The following ARHGAP26 variants were observed in gnomAD, a reference collection of about 807,000 sequenced individuals.
ARHGAP26 encodes rho GTPase-activating protein 26.
ARHGAP26 carries 38 observed loss-of-function variants against 104.8 expected under a neutral mutation model. That is an observed-to-expected ratio of 0.36 (90% confidence interval 0.28 to 0.48). The LOEUF is 0.48. Ranked by LOEUF, ARHGAP26 falls within the 20% of genes least tolerant of loss-of-function variation. ARHGAP26 has a pLI of 0.99. For missense variants in ARHGAP26, 704 were observed against 947.9 expected (o/e 0.74, Z 3.38); for synonymous variants, 341 against 340.0 (o/e 1.00, Z -0.03).
chr5:142,902,016 C>G lies in ARHGAP26; in HGVS notation c.679C>G (p.Gln227Glu), dbSNP rs760798771. The change falls in exon 7 of 23, where the codon CAG (glutamine) becomes GAG (glutamate). Residue 227 changes from glutamine to glutamate, a missense_variant. Physicochemically the swap from Gln to Glu is conservative, Grantham distance 29. This residue lies in a region of ARHGAP26 where 287 missense variants were observed against 438.8 expected (regional missense o/e 0.65). Transcript: ENST00000645722. ...LAKDFGDFKT[Q>E]LTISIQNTRN... ...CAAGGATTTCGGGGACTTCAAGACA[C>G]AGTTAACCATTAGCATACAGAACGT... 6.2e-7 allele frequency: 1 copy of G among 1,613,838 alleles called. No individual in the cohort carries two copies. Among genetic ancestry groups the G allele is most frequent in the Non-Finnish European group, 8.5e-7 (1 of 1,179,766 alleles).
In ARHGAP26 at chr5:143,014,125, G is replaced by C. The variant is rs113079404; in HGVS notation, c.1144+9G>C. The C allele has an allele frequency of 4.6e-5, 74 of 1,614,106 alleles. 1 individual carries two copies. The African/African-American group carries it at 5.6e-4, about 12-fold the overall frequency. On this transcript the variant is annotated intron_variant, in intron 12 of 22. Coordinates refer to ENST00000645722, the MANE Select transcript of ARHGAP26 (RefSeq NM_001135608.3). ...CAGCCAGAGTGAAGGGAGTAAGTAC[G>C]ATGCTTGGGTAACCTTCTACAGCCA...
intron 20 of ARHGAP26, among the ~76,000 whole-genome samples, chr5:143,168,017 G>A (rs949501491): frequency 2.0e-5 from 3 of 152,170 alleles, no homozygotes; most frequent in South Asian, 2.1e-4. Context: ...AAGTGCTGCT[G>A]GAATTCCTAG....
chr5:143,051,879 G>C (rs1562332464), intron 14 of ARHGAP26, among the ~76,000 whole-genome samples: 1 of 152,150 alleles, frequency 6.6e-6, no homozygotes, highest in African/African-American at 2.4e-5. Context: ...TTCTTGGGTA[G>C]AAGTTGGTTT....
intron 21 of ARHGAP26, among the ~76,000 whole-genome samples, chr5:143,210,034 A>G (rs1809195313): frequency 6.6e-6 from 1 of 152,180 alleles, no homozygotes; most frequent in South Asian, 2.1e-4. Context: ...GTAAATATTG[A>G]ATTAGATCTA....
intron 17 of ARHGAP26, among the ~76,000 whole-genome samples, chr5:143,088,570 A>G (rs1197911955): frequency 6.6e-6 from 1 of 152,220 alleles, no homozygotes; most frequent in East Asian, 1.9e-4. Flanking sequence ...ATAATCTGAG[A>G]CTGAAAAAAA....
At chr5:143,087,837 C>T (rs943426934) in intron 17 of ARHGAP26, among the ~76,000 whole-genome samples, 19 of 150,820 alleles carry the variant, frequency 1.3e-4, no homozygotes, top group South Asian at 2.1e-4. Context: ...TTAGTAGAGA[C>T]GGGGTTTCTC....
chr5:143,115,141 TG>T (rs1216977893), intron 17 of ARHGAP26, among the ~76,000 whole-genome samples: 1 of 152,046 alleles, frequency 6.6e-6, no homozygotes, highest in Non-Finnish European at 1.5e-5. Context: ...GAGAGGAGCC[TG>T]GCCAATATGA....
At chr5:143,051,996 C>A (rs1785107409) in intron 14 of ARHGAP26, among the ~76,000 whole-genome samples, 1 of 152,040 alleles carries the variant, frequency 6.6e-6, no homozygotes. Context: ...TCATGCAAAG[C>A]AGAGGTTTTT....
chr5:142,908,133 TC>T (rs1325600666), intron 9 of ARHGAP26, among the ~76,000 whole-genome samples: 1 of 152,192 alleles, frequency 6.6e-6, no homozygotes, highest in Admixed American at 6.5e-5. Context: ...ACTGATTCAG[TC>T]CCACTCCCAC....
chr5:142,905,548 C>G (rs968304505), intron 8 of ARHGAP26, among the ~76,000 whole-genome samples: 1 of 152,206 alleles, frequency 6.6e-6, no homozygotes, highest in Non-Finnish European at 1.5e-5. Flanking sequence ...CCTTCTCTCT[C>G]TGTGTGGGTG....
chr5:143,154,950 A>G (rs983234780), intron 20 of ARHGAP26, among the ~76,000 whole-genome samples: 2 of 151,998 alleles, frequency 1.3e-5, no homozygotes, highest in African/African-American at 4.8e-5. Context: ...AATTGTCTCT[A>G]TTTGTCATCC....
intron 1 of ARHGAP26, among the ~76,000 whole-genome samples, chr5:142,830,155 C>G (rs1768111537): frequency 6.6e-6 from 1 of 152,198 alleles, no homozygotes; most frequent in African/African-American, 2.4e-5. Flanking sequence ...CAATAAATGT[C>G]AAGTAGCATC....
chr5:142,904,750 T>C (rs1413972122), intron 8 of ARHGAP26, among the ~76,000 whole-genome samples: 1 of 152,144 alleles, frequency 6.6e-6, no homozygotes, highest in African/African-American at 2.4e-5. Context: ...TTTTCTTTAG[T>C]GGGTAATTCT....
intron 3 of ARHGAP26, 90 bp from the exon 4 acceptor site, chr5:142,879,284 A>G (rs963594709): frequency 1.7e-6 from 2 of 1,170,082 alleles, no homozygotes; most frequent in African/African-American, 3.0e-5. Flanking sequence ...ATTTTAAGAC[A>G]TGGGGAGGCA....
intron 4 of ARHGAP26, among the ~76,000 whole-genome samples, chr5:142,881,651 C>T (rs1598062084): frequency 6.6e-6 from 1 of 152,132 alleles, no homozygotes; most frequent in African/African-American, 2.4e-5. Flanking sequence ...GGCATGTCCT[C>T]CTTTGCATCA....
At chr5:142,789,706 C>T (rs1199129432) in intron 1 of ARHGAP26, among the ~76,000 whole-genome samples, 6 of 152,166 alleles carry the variant, frequency 3.9e-5, no homozygotes, top group Non-Finnish European at 8.8e-5. Flanking sequence ...TTTACATTTC[C>T]TTGCACCCCC....
chr5:143,042,905 G>A (rs745398098), intron 14 of ARHGAP26, among the ~76,000 whole-genome samples: 1 of 152,126 alleles, frequency 6.6e-6, no homozygotes, highest in African/African-American at 2.4e-5. Flanking sequence ...GATTATTTGC[G>A]AGGTACTCTA....
chr5:142,774,789 C>A (rs1271382160), intron 1 of ARHGAP26, among the ~76,000 whole-genome samples: 3 of 152,182 alleles, frequency 2.0e-5, no homozygotes, highest in Non-Finnish European at 4.4e-5. Context: ...TACTGTCTCT[C>A]TAGTTTTACC....
intron 11 of ARHGAP26, among the ~76,000 whole-genome samples, chr5:142,975,210 G>A (rs570956637): frequency 2.4e-4 from 36 of 152,124 alleles, no homozygotes; most frequent in Non-Finnish European, 4.1e-4. Context: ...GCATGGACTT[G>A]GAAAAGCTGC....
Sources: allele counts gnomAD v4.1 joint callset (sites outside exome capture counted in the v4.1 genomes callset), GRCh38; gene constraint gnomAD v4.1.1; regional missense constraint gnomAD v4.1.1; transcripts MANE v1.5; gene names NCBI Gene and HGNC (gene_info 2026-07-23, HGNC 2026-07-21).